The following DEDD2 variants were observed in gnomAD, a reference collection of about 807,000 sequenced individuals.
DEDD2 encodes DNA-binding death effector domain-containing protein 2.
Under a neutral mutation model 28.9 loss-of-function variants are expected in DEDD2, and 18 were observed. That is an observed-to-expected ratio of 0.62 (90% CI 0.43 to 0.92). DEDD2 has a LOEUF of 0.92. Ranked by LOEUF, DEDD2 falls within the 40% of genes least tolerant of loss-of-function variation. DEDD2 has a pLI of 0.00. For synonymous variants in DEDD2, 211 were observed against 206.1 expected, an observed-to-expected ratio of 1.02 and a Z score of -0.20; for missense variants, 411 against 463.3, an observed-to-expected ratio of 0.89 and a Z score of 1.04.
At position 42,199,208 on chromosome 19, in the gene DEDD2, G is replaced by T; in HGVS notation, c.*230C>A. 1.6e-6 allele frequency: 1 copy of T among 640,324 alleles called. No individual in the cohort carries two copies. Among genetic ancestry groups the T allele is most frequent in the Admixed American group, 3.3e-5 (1 of 30,068 alleles). The allele number at this position is 640,324 out of a possible 1,614,324, so 39.7% of individuals were successfully genotyped here. ...CCCAGCCCCCGCCTCCGGAGGCTAA[G>T]GGGGCACACCTGGGGGTAGGAGGAG... is the stretch of plus-strand genomic sequence containing the variant. On this transcript the variant is annotated 3_prime_UTR_variant, in exon 5 of 5. Transcript: ENST00000596251. This position sits in a 1 kb window ranked among gnomAD's most constrained non-coding sequence, Gnocchi z 7.4.
In DEDD2 at chr19:42,199,783, G is replaced by C; in HGVS notation, c.636C>G (p.Ala212=). Residue 212 remains alanine, a synonymous_variant, in exon 5 of 5, where the codon GCC becomes GCG. Coordinates refer to ENST00000596251, the MANE Select transcript of DEDD2 (RefSeq NM_133328.4). This position sits in a 1 kb window ranked among gnomAD's most constrained non-coding sequence, Gnocchi z 7.4. ...VRAEYCEHGP[A]LEQGVASRRP... ...GCCGGGATGCCACGCCCTGCTCCAA[G>C]GCTGGCCCATGCTCGCAGTACTCTG... is the stretch of plus-strand genomic sequence containing the variant. 1 of 1,607,876 alleles carries C rather than the reference G, an allele frequency of 6.2e-7. No homozygotes were observed.
At chr19:42,216,306 T>C (rs966711567) in intron 2 of DEDD2, among the ~76,000 whole-genome samples, 2 of 152,268 alleles carry the variant, frequency 1.3e-5, no homozygotes, top group African/African-American at 4.8e-5. Flanking sequence ...AGGATTGTTA[T>C]TATACGTGCA....
chr19:42,209,581 C>A, intron 4 of DEDD2, 119 bp downstream of exon 4: 1 of 1,385,856 alleles, frequency 7.2e-7, no homozygotes, highest in Non-Finnish European at 9.7e-7. Context: ...CTGTGGTGAA[C>A]GAGAGCTGAC....
At chr19:42,211,451 A>AGGAGGAAGAGAGGGAG (rs2035760835) in intron 3 of DEDD2, among the ~76,000 whole-genome samples, 1 of 126,180 alleles carries the variant, frequency 7.9e-6, no homozygotes, top group African/African-American at 3.0e-5. Context: ...GAGGGAGGGA[A>AGGAGGAAGAGAGGGAG]GGAGGAAGAG....
At chr19:42,206,919 C>T (rs967781425) in intron 4 of DEDD2, among the ~76,000 whole-genome samples, 14 of 152,170 alleles carry the variant, frequency 9.2e-5, no homozygotes, top group African/African-American at 2.9e-4. Flanking sequence ...AGCCTCACTC[C>T]AGCCCCACCC....
intron 2 of DEDD2, among the ~76,000 whole-genome samples, chr19:42,215,462 C>T (rs1048755134): frequency 6.6e-6 from 1 of 152,188 alleles, no homozygotes; most frequent in Non-Finnish European, 1.5e-5. Context: ...CCCACGTCTA[C>T]GGCAGCTCAA....
At position 42,216,676 on chromosome 19, in the gene DEDD2, G is replaced by A. The variant is rs373717930; in HGVS notation, c.328+4C>T. On this transcript the variant is annotated splice_donor_region_variant and intron_variant, in intron 2 of 4. Transcript: ENST00000596251. ...AAGTGTGACACCCTCCCATTCAACC[G>A]TACCTGGCCGGCGCCGCTTGCGCGC... is the stretch of plus-strand genomic sequence containing the variant. The A allele has an allele frequency of 4.9e-5, 77 of 1,561,916 alleles. No homozygotes were observed. In the East Asian group the frequency reaches 8.6e-4, roughly 17 times the overall value.
chr19:42,207,719 T>C (rs930056352), intron 4 of DEDD2, among the ~76,000 whole-genome samples: 2 of 152,174 alleles, frequency 1.3e-5, no homozygotes, highest in Non-Finnish European at 2.9e-5. Context: ...GGCATAAAGA[T>C]GATCCTAATA....
chr19:42,213,353 G>A (rs1464335150), intron 3 of DEDD2, among the ~76,000 whole-genome samples: 1 of 152,222 alleles, frequency 6.6e-6, no homozygotes, highest in Non-Finnish European at 1.5e-5. Flanking sequence ...TCATAGATGT[G>A]AAACCCACTG....
chr19:42,201,046 T>C (rs1049823481), intron 4 of DEDD2, among the ~76,000 whole-genome samples: 2 of 152,220 alleles, frequency 1.3e-5, no homozygotes, highest in African/African-American at 2.4e-5. Flanking sequence ...GTGCCGACTA[T>C]CTGCCAGGCG....
intron 4 of DEDD2, among the ~76,000 whole-genome samples, chr19:42,200,121 C>G (rs1260445004): frequency 6.6e-6 from 1 of 152,190 alleles, no homozygotes; most frequent in Non-Finnish European, 1.5e-5. Flanking sequence ...TGCTCAAAAG[C>G]CACCTTGCCA....
chr19:42,208,053 C>G (rs779716912), intron 4 of DEDD2, among the ~76,000 whole-genome samples: 1 of 152,232 alleles, frequency 6.6e-6, no homozygotes, highest in African/African-American at 2.4e-5. Context: ...ACCCGTGCCA[C>G]CTGTCACATC....
intron 4 of DEDD2, among the ~76,000 whole-genome samples, chr19:42,205,005 A>C (rs1412382145): frequency 1.3e-5 from 2 of 152,074 alleles, no homozygotes; most frequent in African/African-American, 4.8e-5. Context: ...CGCACAACAC[A>C]CCCTCAGAAG....
chr19:42,200,082 C>T (rs1383957719), intron 4 of DEDD2, among the ~76,000 whole-genome samples: 1 of 152,212 alleles, frequency 6.6e-6, no homozygotes, highest in Non-Finnish European at 1.5e-5. Context: ...ATCTGCACAA[C>T]ACTTGCTCCC....
Position 42,199,824 on chromosome 19 carries a change from G to A in DEDD2, c.595C>T (p.Arg199Trp), listed in dbSNP as rs1204222635. The A allele has an allele frequency of 3.1e-6, 5 of 1,589,242 alleles. No individual in the cohort carries two copies. Among genetic ancestry groups the A allele is most frequent in the South Asian group, 2.3e-5 (2 of 88,378 alleles). Residue 199 changes from arginine (R) to tryptophan (W), a missense_variant, in exon 5 of 5, where the codon CGG becomes TGG. By Grantham distance (101) the Arg-to-Trp change is moderately radical. Around this residue, in one of 2 missense-constraint regions of DEDD2, gnomAD observed 129 missense variants for 189.9 expected, o/e 0.68. Coordinates refer to ENST00000596251, the MANE Select transcript of DEDD2 (RefSeq NM_133328.4). This position sits in a 1 kb window ranked among gnomAD's most constrained non-coding sequence, Gnocchi z 7.4. ...SSEGKVTCDI[R>W]LRVRAEYCEH... Reference sequence around the variant, plus strand: ...CAGTACTCTGCTCGAACCCGGAGCCGGATGTCTGCAGGGGAAGGAGGGATT... The same window carrying A: ...CAGTACTCTGCTCGAACCCGGAGCCAGATGTCTGCAGGGGAAGGAGGGATT...
chr19:42,199,461 G>A lies in DEDD2; in HGVS notation c.958C>T (p.Arg320Trp), dbSNP rs376232196. Residue 320 changes from arginine (R) to tryptophan (W), a missense_variant, in exon 5 of 5, where the codon CGG becomes TGG. Arg to Trp is a moderately radical substitution (Grantham distance 101, BLOSUM62 -3). Around this residue, in one of 2 missense-constraint regions of DEDD2, gnomAD observed 129 missense variants for 189.9 expected, o/e 0.68. Coordinates refer to ENST00000596251, the MANE Select transcript of DEDD2 (RefSeq NM_133328.4). The surrounding 1 kb of genome is among the most constrained non-coding windows in gnomAD (Gnocchi z 7.4). The stretch of plus-strand genomic sequence containing the variant: ...GATCAGGAGGCCTCTGTCGGGCGCC[G>A]CCCCCCTTCCTCCTCCATCAGCAAC... ...RLLLMEEEGGRRPTEAS is the reference protein window; with the variant it reads ...RLLLMEEEGGWRPTEAS 6.8e-5 allele frequency: 109 copies of A among 1,606,382 alleles called. No individual in the cohort carries two copies. The highest frequency in any genetic ancestry group is 8.7e-5 in the Non-Finnish European group (103 of 1,177,504).
chr19:42,212,813 G>A (rs2035822826), intron 3 of DEDD2, among the ~76,000 whole-genome samples: 1 of 152,060 alleles, frequency 6.6e-6, no homozygotes, highest in East Asian at 1.9e-4. Context: ...TGCCCAGGCT[G>A]ATCTCGAACT....
At chr19:42,220,003 C>T (rs1227305526), upstream of DEDD2, 1 of 152,264 alleles carries the variant, frequency 6.6e-6, no homozygotes, top group Non-Finnish European at 1.5e-5. Flanking sequence ...TGCTCCGTCT[C>T]TTCAGCTTTG....
chr19:42,209,671 A>T (rs1324975301), intron 4 of DEDD2, 29 bp downstream of exon 4: 3 of 1,597,168 alleles, frequency 1.9e-6, no homozygotes. Flanking sequence ...GGCACTCTAC[A>T]TGCATTGCCA....
Sources: gnomAD v4.1 joint callset for allele counts (sites outside exome capture counted in the v4.1 genomes callset) on GRCh38, gnomAD v4.1.1 for gene constraint, gnomAD v4.1.1 regional missense constraint, Gnocchi (gnomAD v3.1) non-coding constraint, MANE v1.5 for transcripts, NCBI Gene and HGNC (gene_info 2026-07-23, HGNC 2026-07-21) for gene names.